Variants in ANKRD17 observed in about 807,000 individuals in gnomAD.
ANKRD17 encodes the protein ankyrin repeat domain 17, also known as ankyrin repeat domain-containing protein 17.
A neutral mutation model predicts 229.7 loss-of-function variants in ANKRD17; 19 were observed. That is an observed-to-expected ratio of 0.08 (90% CI 0.06 to 0.12). The LOEUF is 0.12. ANKRD17 is among the 10% of genes least tolerant of loss of function. The probability of loss-of-function intolerance (pLI) is 1.00; values close to 1 mark genes in which losing one functional copy is unlikely to be tolerated. For missense variants in ANKRD17, 2,176 were observed against 3,176.8 expected (o/e 0.68, Z 7.57); for synonymous variants, 1,112 against 1,146.1 (o/e 0.97, Z 0.60).
chr4:73,104,775 G>T (rs952063103), intron 24 of ANKRD17, among the ~76,000 whole-genome samples: 4 of 152,016 alleles, frequency 2.6e-5, no homozygotes, highest in Non-Finnish European at 5.9e-5. Flanking sequence ...TGGGGGTGGA[G>T]AATTTTTTTT....
chr4:73,125,596 G>A lies in ANKRD17; in HGVS notation c.3235-284C>T, dbSNP rs1399553059. On this transcript the variant is annotated intron_variant, in intron 16 of 33. Transcript: ENST00000358602. ...GAAAATATAAAAATTAGCCGGGTGT[G>A]GTGGTGCGTGCCTGTAGTCCCAGCT... Among the ~76,000 whole-genome samples, 23 of 152,010 alleles carry A rather than the reference G, an allele frequency of 1.5e-4. 1 individual carries two copies. Among genetic ancestry groups the A allele is most frequent in the Admixed American group, 1.4e-3 (22 of 15,270 alleles).
At position 73,251,956 on chromosome 4, in the gene ANKRD17, G is replaced by C. The variant is rs181772519; in HGVS notation, c.393+6320C>G. Among the ~76,000 whole-genome samples, 31 of 152,222 alleles carry C rather than the reference G, an allele frequency of 2.0e-4. No homozygotes were observed. The East Asian group carries it at 5.0e-3, about 25-fold the overall frequency. On this transcript the variant is annotated intron_variant, in intron 1 of 33. Transcript: ENST00000358602. ...ATACTAACTCCAGTTAAGTTGGTGA[G>C]GTTAAAAATGACTAAACTAAAAATA...
In ANKRD17 at chr4:73,097,117, C is replaced by T; in HGVS notation, c.5177G>A (p.Arg1726Lys). Residue 1726 changes from arginine to lysine, a missense_variant and splice_region_variant, in exon 27 of 34, where the codon AGG becomes AAG. Coordinates refer to ENST00000358602, the MANE Select transcript of ANKRD17 (RefSeq NM_032217.5). The stretch of plus-strand genomic sequence containing the variant: ...AAGAATGACAAAAACAATTACTCAC[C>T]TTCTTACAACTTCTTTCCATCCTTC... ...REEGWKEVVR[R>K]SKKVSVPSTV... The T allele has an allele frequency of 6.2e-7, 1 of 1,608,714 alleles. No individual in the cohort carries two copies. Among genetic ancestry groups the T allele is most frequent in the Non-Finnish European group, 8.5e-7 (1 of 1,178,188 alleles).
chr4:73,197,740 C>A (rs188105352), intron 1 of ANKRD17, among the ~76,000 whole-genome samples: 43 of 151,940 alleles, frequency 2.8e-4, no homozygotes, highest in African/African-American at 9.7e-4. Context: ...GGGGACTGTG[C>A]CCAGGAGTTT....
In ANKRD17 at chr4:73,123,814, A is replaced by G. The variant is rs550979474; in HGVS notation, c.3492+1099T>C. Among the ~76,000 whole-genome samples, 84 of 151,918 alleles carry G rather than the reference A, an allele frequency of 5.5e-4. 1 individual carries two copies. The South Asian group carries it at 0.016, about 29-fold the overall frequency. On this transcript the variant is annotated intron_variant, in intron 18 of 33. Coordinates refer to ENST00000358602, the MANE Select transcript of ANKRD17 (RefSeq NM_032217.5). ...GCTATGACTGGGGGGAAGTGGGGGG[A>G]AAAGCTAGTTTAAGATGCTCAAATG...
chr4:73,178,087 T>C (rs953279377), intron 1 of ANKRD17, among the ~76,000 whole-genome samples: 3 of 152,182 alleles, frequency 2.0e-5, no homozygotes, highest in Non-Finnish European at 4.4e-5. Flanking sequence ...GGCAAACAAG[T>C]TCCAAAATTC....
chr4:73,131,150 A>C (rs1728147290), intron 16 of ANKRD17, among the ~76,000 whole-genome samples: 1 of 152,236 alleles, frequency 6.6e-6, no homozygotes, highest in South Asian at 2.1e-4. Context: ...TATTCATCTT[A>C]AAAGTTTTGA....
intron 1 of ANKRD17, among the ~76,000 whole-genome samples, chr4:73,219,307 TA>T (rs745445124): frequency 1.3e-5 from 2 of 152,144 alleles, no homozygotes; most frequent in Non-Finnish European, 2.9e-5. Context: ...GTGCATTACA[TA>T]TAACAATGTG....
rs1720862309 is a variant in ANKRD17 at position 73,074,003 on chromosome 4, T to TA, written c.*2227dup. 1 of 151,978 alleles carries TA rather than the reference T, an allele frequency of 6.6e-6. No individual in the cohort carries two copies. 9.4% of individuals were successfully genotyped at this position (151,978 alleles called of 1,614,324 possible). A position where few individuals can be genotyped will look rare whatever the true frequency, so the allele number is the denominator to read the frequency against. On this transcript the variant is annotated 3_prime_UTR_variant, in exon 34 of 34. Coordinates refer to ENST00000358602, the MANE Select transcript of ANKRD17 (RefSeq NM_032217.5). ...GTTATGGGTTTTTTTATTGTTCAAA[T>TA]AAAAGTGCACTGCATTACATCTGAA... is the stretch of plus-strand genomic sequence containing the variant.
intron 1 of ANKRD17, among the ~76,000 whole-genome samples, chr4:73,191,318 T>C (rs1458900135): frequency 3.5e-5 from 5 of 141,784 alleles, no homozygotes; most frequent in African/African-American, 1.4e-4. Flanking sequence ...CTGGAAAAAA[T>C]AGGCCCCTAC....
intron 1 of ANKRD17, among the ~76,000 whole-genome samples, chr4:73,184,175 T>C (rs1029660676): frequency 6.6e-6 from 1 of 152,170 alleles, no homozygotes; most frequent in Non-Finnish European, 1.5e-5. Context: ...ACTGCCATAC[T>C]AGAGAAGAAT....
At chr4:73,238,399 G>GT (rs1001518680) in intron 1 of ANKRD17, among the ~76,000 whole-genome samples, 5 of 152,084 alleles carry the variant, frequency 3.3e-5, no homozygotes, top group African/African-American at 4.8e-5. Context: ...AATCTACAAG[G>GT]TATGTATTTT....
chr4:73,187,550 C>T lies in ANKRD17; in HGVS notation c.394-10017G>A, dbSNP rs78067918. Among the ~76,000 whole-genome samples the T allele has an allele frequency of 1.3e-3, 192 of 152,270 alleles. 2 individuals carry two copies. In the East Asian group the frequency reaches 0.031, roughly 24 times the overall value. On this transcript the variant is annotated intron_variant, in intron 1 of 33. Coordinates refer to ENST00000358602, the MANE Select transcript of ANKRD17 (RefSeq NM_032217.5). ...AACTTTACTTCATCTCCTCCATTTACATAGGACATACTGAAGTAACCAATG... is the reference window on the plus strand; with the variant it reads ...AACTTTACTTCATCTCCTCCATTTATATAGGACATACTGAAGTAACCAATG...
intron 2 of ANKRD17, among the ~76,000 whole-genome samples, chr4:73,163,027 T>G (rs1343370818): frequency 3.3e-5 from 5 of 151,006 alleles, no homozygotes; most frequent in African/African-American, 1.2e-4. Flanking sequence ...CCTGGCTAAT[T>G]GCTTTTTTTT....
chr4:73,188,361 C>T (rs969736546), intron 1 of ANKRD17, among the ~76,000 whole-genome samples: 3 of 151,970 alleles, frequency 2.0e-5, no homozygotes, highest in Non-Finnish European at 4.4e-5. Context: ...CCAAGGTAGG[C>T]GGATCATGAG....
At chr4:73,094,303 G>GTAT (rs1723072318) in intron 27 of ANKRD17, 75 bp from the exon 28 acceptor site, 1 of 1,318,516 alleles carries the variant, frequency 7.6e-7, no homozygotes, top group African/African-American at 1.5e-5. Flanking sequence ...AGAGGAAAGA[G>GTAT]TATTACTAAA....
At position 73,075,101 on chromosome 4, in the gene ANKRD17, TA is replaced by T. The variant is rs1382328121; in HGVS notation, c.*1129del. 3.9e-5 allele frequency: 6 copies of T among 152,188 alleles called. No homozygotes were observed. Among genetic ancestry groups the T allele is most frequent in the African/African-American group, 1.2e-4 (5 of 41,434 alleles). The allele number at this position is 152,188 out of a possible 1,614,324, so 9.4% of individuals were successfully genotyped here. ...CCTTTTCACTGATAATATACAAGGG[TA>T]AAAAAGCAGGAAGCCTTTAAAATTG... On this transcript the variant is annotated 3_prime_UTR_variant, in exon 34 of 34. Coordinates refer to ENST00000358602, the MANE Select transcript of ANKRD17 (RefSeq NM_032217.5).
chr4:73,186,261 C>A (rs1277202901), intron 1 of ANKRD17, among the ~76,000 whole-genome samples: 1 of 151,722 alleles, frequency 6.6e-6, no homozygotes, highest in African/African-American at 2.4e-5. Context: ...TCTATACATA[C>A]AAAGACAAAA....
intron 1 of ANKRD17, among the ~76,000 whole-genome samples, chr4:73,224,389 T>G (rs1022985013): frequency 1.3e-5 from 2 of 152,162 alleles, no homozygotes; most frequent in Admixed American, 6.5e-5. Flanking sequence ...TTATTAATCA[T>G]GAAATGGGAT....
Sources: allele counts gnomAD v4.1 joint callset (sites outside exome capture counted in the v4.1 genomes callset), GRCh38; gene constraint gnomAD v4.1.1; transcripts MANE v1.5; gene names NCBI Gene and HGNC (gene_info 2026-07-23, HGNC 2026-07-21).